Variants in CCDC192 observed in about 807,000 individuals in gnomAD.
CCDC192 encodes the protein coiled-coil domain containing 192, also known as coiled-coil domain-containing protein 192.
At position 127,894,094 on chromosome 5, in the gene CCDC192, G is replaced by A. The variant is rs111759837; in HGVS notation, c.535+18433G>A. ...CTAATTACCTATCTCCATTGCAGGTGTATATGACATGGAAATACAGGCCCT... is the reference window on the plus strand; with the variant it reads ...CTAATTACCTATCTCCATTGCAGGTATATATGACATGGAAATACAGGCCCT... On this transcript the variant is annotated intron_variant, in intron 6 of 6. Transcript: ENST00000514853. 5.0e-3 allele frequency among the ~76,000 whole-genome samples: 763 copies of A among 151,716 alleles called. 9 individuals are homozygous for A. The highest frequency in any genetic ancestry group is 0.018 in the African/African-American group (744 of 41,364).
chr5:127,800,972 C>T (rs1290559474), intron 5 of CCDC192, among the ~76,000 whole-genome samples: 2 of 152,060 alleles, frequency 1.3e-5, no homozygotes, highest in African/African-American at 4.8e-5. Flanking sequence ...TTCAGAGCCC[C>T]CCACAACCCC....
intron 6 of CCDC192, among the ~76,000 whole-genome samples, chr5:127,896,904 C>T (rs1176113144): frequency 6.6e-6 from 1 of 152,184 alleles, no homozygotes; most frequent in East Asian, 1.9e-4. Flanking sequence ...TATAGAGTAT[C>T]TCCTACAGAC....
At chr5:127,752,688 A>T (rs1212663574) in intron 2 of CCDC192, among the ~76,000 whole-genome samples, 2 of 152,312 alleles carry the variant, frequency 1.3e-5, no homozygotes, top group African/African-American at 2.4e-5. Flanking sequence ...AAGCCTGGGC[A>T]ATGGCGGGCG....
intron 5 of CCDC192, among the ~76,000 whole-genome samples, chr5:127,809,506 A>G (rs573551176): frequency 6.6e-6 from 1 of 152,334 alleles, no homozygotes. Flanking sequence ...TGAATTTCAT[A>G]TAGGGAATAT....
chr5:127,889,213 A>G (rs1267732755), intron 6 of CCDC192, among the ~76,000 whole-genome samples: 6 of 152,176 alleles, frequency 3.9e-5, no homozygotes, highest in Non-Finnish European at 2.9e-5. Context: ...TATATAAAAA[A>G]GCTTTCATCC....
At chr5:127,936,940 G>C (rs567305021) in intron 6 of CCDC192, among the ~76,000 whole-genome samples, 2 of 152,194 alleles carry the variant, frequency 1.3e-5, no homozygotes, top group Non-Finnish European at 2.9e-5. Context: ...AGACTAGATG[G>C]GGGGAGAGGA....
chr5:127,856,941 A>G (rs78438211), intron 5 of CCDC192, among the ~76,000 whole-genome samples: 1 of 152,218 alleles, frequency 6.6e-6, no homozygotes, highest in South Asian at 2.1e-4. Context: ...ATATTACAAG[A>G]GTTACCAAGA....
intron 6 of CCDC192, among the ~76,000 whole-genome samples, chr5:127,916,339 G>A (rs1489545115): frequency 1.3e-5 from 2 of 152,104 alleles, no homozygotes; most frequent in Non-Finnish European, 2.9e-5. Context: ...ATTCATGAGG[G>A]TTGGAATCAA....
intron 6 of CCDC192, among the ~76,000 whole-genome samples, chr5:127,908,896 T>C (rs1471562555): frequency 6.6e-6 from 1 of 152,196 alleles, no homozygotes; most frequent in Non-Finnish European, 1.5e-5. Flanking sequence ...TTTCTCAGAC[T>C]CTCAAAATCA....
At chr5:127,729,160 G>A (rs1752498174) in intron 2 of CCDC192, among the ~76,000 whole-genome samples, 1 of 152,086 alleles carries the variant, frequency 6.6e-6, no homozygotes, top group Non-Finnish European at 1.5e-5. Flanking sequence ...GCCCACCTCA[G>A]CCTCCCAAAG....
At chr5:127,724,959 C>T (rs1752238885) in intron 2 of CCDC192, among the ~76,000 whole-genome samples, 1 of 151,864 alleles carries the variant, frequency 6.6e-6, no homozygotes, top group Non-Finnish European at 1.5e-5. Flanking sequence ...CTAAAGAAAT[C>T]CATCTAAATT....
intron 2 of CCDC192, among the ~76,000 whole-genome samples, chr5:127,732,708 G>T (rs368986983): frequency 6.6e-6 from 1 of 152,164 alleles, no homozygotes; most frequent in Non-Finnish European, 1.5e-5. Context: ...GGATGGAGCT[G>T]GAAGCCATTA....
At chr5:127,922,481 G>A (rs1753749336) in intron 6 of CCDC192, among the ~76,000 whole-genome samples, 1 of 152,242 alleles carries the variant, frequency 6.6e-6, no homozygotes, top group Non-Finnish European at 1.5e-5. Context: ...GCTCATGCCT[G>A]TAATCCCAGC....
upstream of CCDC192, among the ~76,000 whole-genome samples, chr5:127,702,944 A>G (rs975194759): frequency 5.9e-5 from 9 of 152,338 alleles, no homozygotes; most frequent in African/African-American, 1.7e-4. Context: ...TTAGGAAAGA[A>G]GCTTTCATGA....
At chr5:127,916,340 T>A (rs780206070) in intron 6 of CCDC192, among the ~76,000 whole-genome samples, 7 of 152,220 alleles carry the variant, frequency 4.6e-5, no homozygotes, top group Non-Finnish European at 7.3e-5. Flanking sequence ...TTCATGAGGG[T>A]TGGAATCAAC....
chr5:127,868,468 T>C lies in CCDC192; in HGVS notation c.412-7070T>C, dbSNP rs150836933. ...TAAGAGGGCATCCAATTCTGTGTCA[T>C]CCAAGATTTGATGATTCCATCTGAC... On this transcript the variant is annotated intron_variant, in intron 5 of 6. Transcript: ENST00000514853. Among the ~76,000 whole-genome samples the C allele has an allele frequency of 3.8e-3, 576 of 152,352 alleles. 2 individuals are homozygous for C. The highest frequency in any genetic ancestry group is 0.013 in the African/African-American group (541 of 41,586).
intron 1 of CCDC192, among the ~76,000 whole-genome samples, chr5:127,706,046 A>G (rs920353050): frequency 4.6e-5 from 7 of 151,376 alleles, no homozygotes; most frequent in Middle Eastern, 6.8e-3. Flanking sequence ...GTCTCCTTCC[A>G]CTAAGTGAGA....
chr5:127,807,971 A>G (rs1757886337), intron 5 of CCDC192, among the ~76,000 whole-genome samples: 1 of 152,056 alleles, frequency 6.6e-6, no homozygotes, highest in African/African-American at 2.4e-5. Flanking sequence ...CTGTGGGAGG[A>G]TTTTATAAGA....
intron 5 of CCDC192, among the ~76,000 whole-genome samples, chr5:127,869,492 A>G (rs1356618687): frequency 6.6e-6 from 1 of 152,198 alleles, no homozygotes; most frequent in Non-Finnish European, 1.5e-5. Flanking sequence ...AGGGCAAAAC[A>G]TTCCAATTTT....
Sources: allele counts gnomAD v4.1 joint callset (sites outside exome capture counted in the v4.1 genomes callset), GRCh38; gene constraint gnomAD v4.1.1; transcripts MANE v1.5; gene names NCBI Gene and HGNC (gene_info 2026-07-23, HGNC 2026-07-21).